CEP162: variants seen among roughly 807,000 people sequenced by gnomAD.
CEP162 encodes centrosomal protein 162.
Under a neutral mutation model 169.2 loss-of-function variants are expected in CEP162, and 141 were observed. The ratio of observed to expected loss-of-function variants is 0.83; its 90% CI spans 0.73 to 0.96. CEP162 has a LOEUF of 0.96. Ranked by LOEUF, CEP162 falls within the 40% of genes least tolerant of loss-of-function variation. The pLI, the probability that CEP162 is intolerant of heterozygous loss-of-function variation, is 0.00. For missense variants in CEP162, 1,600 were observed against 1,587.2 expected, an observed-to-expected ratio of 1.01 and a Z score of -0.14; for synonymous variants, 540 against 526.4, an observed-to-expected ratio of 1.03 and a Z score of -0.35.
chr6:84,145,519 T>G (rs915831849), intron 25 of CEP162, among the ~76,000 whole-genome samples: 1 of 152,158 alleles, frequency 6.6e-6, no homozygotes, highest in Non-Finnish European at 1.5e-5. Context: ...TGTGCTTCAT[T>G]AGAAAACTGT....
intron 2 of CEP162, among the ~76,000 whole-genome samples, chr6:84,225,734 A>C (rs571584407): frequency 6.8e-6 from 1 of 146,980 alleles, no homozygotes; most frequent in East Asian, 1.9e-4. Context: ...TATAAAAAGA[A>C]TTAAATACAT....
chr6:84,196,440 G>A (rs1446062291), intron 9 of CEP162, among the ~76,000 whole-genome samples: 1 of 152,108 alleles, frequency 6.6e-6, no homozygotes, highest in South Asian at 2.1e-4. Context: ...GCATGAAAAT[G>A]GACTAATATA....
At position 84,201,746 on chromosome 6, in the gene CEP162, G is replaced by T; in HGVS notation, c.709C>A (p.Leu237Ile). ...PKQEEEKTGMLANVVLLDSLD... is the reference protein window; with the variant it reads ...PKQEEEKTGMIANVVLLDSLD... ...TATAAATAATATTTACCATTAGCAA[G>T]CATGCCAGTTTTTTCTTCTTCCTAA... Residue 237 changes from leucine (L) to isoleucine (I), a missense_variant, in exon 8 of 27, where the codon CTT becomes ATT. By Grantham distance (5) the Leu-to-Ile change is conservative (BLOSUM62 2). Coordinates refer to ENST00000403245, the MANE Select transcript of CEP162 (RefSeq NM_014895.4). 7.4e-7 allele frequency: 1 copy of T among 1,342,390 alleles called. No homozygotes were observed. The highest frequency in any genetic ancestry group is 1.0e-6 in the Non-Finnish European group (1 of 970,634). 83.2% of individuals were successfully genotyped at this position (1,342,390 alleles called of 1,614,324 possible).
intron 25 of CEP162, among the ~76,000 whole-genome samples, chr6:84,145,508 C>T (rs1437169519): frequency 6.6e-6 from 1 of 152,084 alleles, no homozygotes; most frequent in Non-Finnish European, 1.5e-5. Context: ...GAGAAAAATA[C>T]TGTGCTTCAT....
chr6:84,215,672 T>C, intron 4 of CEP162, 104 bp downstream of exon 4: 12 of 1,411,332 alleles, frequency 8.5e-6, no homozygotes, highest in Non-Finnish European at 1.1e-5. Flanking sequence ...ATATTAAATC[T>C]GTCTACATGC....
At chr6:84,207,483 C>T (rs141387847) in intron 6 of CEP162, among the ~76,000 whole-genome samples, 2,883 of 146,632 alleles carry the variant, frequency 0.02, 52 homozygotes, top group Middle Eastern at 0.046. Flanking sequence ...AACGAAACAC[C>T]GCATGTTCTC....
At chr6:84,166,148 G>A (rs932726290) in intron 18 of CEP162, among the ~76,000 whole-genome samples, 3 of 152,160 alleles carry the variant, frequency 2.0e-5, no homozygotes, top group African/African-American at 7.2e-5. Context: ...TGTTAAACCT[G>A]TTGGCCAGAG....
intron 18 of CEP162, among the ~76,000 whole-genome samples, chr6:84,168,295 A>G (rs113726085): frequency 6.6e-6 from 1 of 152,102 alleles, no homozygotes; most frequent in Non-Finnish European, 1.5e-5. Flanking sequence ...TTACCTTTCT[A>G]CCTATCTGCC....
chr6:84,194,186 C>A (rs1289332446), intron 10 of CEP162, among the ~76,000 whole-genome samples: 4 of 151,954 alleles, frequency 2.6e-5, no homozygotes, highest in African/African-American at 9.7e-5. Flanking sequence ...AAAACCCCAT[C>A]TCTACTAAAA....
At chr6:84,125,775 A>G (rs951805641) in intron 26 of CEP162, among the ~76,000 whole-genome samples, 2 of 152,112 alleles carry the variant, frequency 1.3e-5, no homozygotes, top group Non-Finnish European at 2.9e-5. Flanking sequence ...CAAAACCTCA[A>G]TCTGGGACTT....
chr6:84,189,558 C>T (rs974975604), intron 11 of CEP162, among the ~76,000 whole-genome samples: 1 of 152,202 alleles, frequency 6.6e-6, no homozygotes, highest in Non-Finnish European at 1.5e-5. Context: ...CAGTGCTGGC[C>T]CACCGGCGCT....
intron 13 of CEP162, among the ~76,000 whole-genome samples, chr6:84,181,802 C>T (rs886251438): frequency 3.3e-5 from 5 of 151,738 alleles, no homozygotes; most frequent in Admixed American, 1.3e-4. Flanking sequence ...TTAAATGTAT[C>T]TTAAAAAATA....
chr6:84,132,717 T>C (rs1292877438), intron 25 of CEP162, among the ~76,000 whole-genome samples: 2 of 152,166 alleles, frequency 1.3e-5, no homozygotes, highest in African/African-American at 4.8e-5. Flanking sequence ...GTCTTCTCTA[T>C]GCTGTTTATT....
chr6:84,175,265 A>G lies in CEP162; in HGVS notation c.1746T>C (p.Arg582=). Residue 582 remains arginine, a synonymous_variant, in exon 14 of 27, where the codon CGT becomes CGC. Transcript: ENST00000403245. ...TTTCTGTGGGATTTTCAGACTTCTT[A>G]CGAGTAGACAGGCAACTTTCAGTTT... The part of the protein sequence containing the change: ...AHKTESCLST[R]KKSENPTETD... 1 of 1,546,738 alleles carries G rather than the reference A, an allele frequency of 6.5e-7. No individual in the cohort carries two copies. The highest frequency in any genetic ancestry group is 8.7e-7 in the Non-Finnish European group (1 of 1,144,068).
chr6:84,155,596 C>A, intron 21 of CEP162, 86 bp from the exon 22 acceptor site: 1 of 884,720 alleles, frequency 1.1e-6, no homozygotes, highest in Admixed American at 2.5e-5. Flanking sequence ...ACAGAAATCT[C>A]TGTATACAGT....
chr6:84,197,751 A>G (rs1318619732), intron 9 of CEP162, among the ~76,000 whole-genome samples: 2 of 150,996 alleles, frequency 1.3e-5, no homozygotes, highest in Non-Finnish European at 2.9e-5. Flanking sequence ...CAGGAGGTGG[A>G]GACTGCAGTG....
chr6:84,164,607 A>G (rs1034468814), intron 18 of CEP162, among the ~76,000 whole-genome samples: 1 of 152,180 alleles, frequency 6.6e-6, no homozygotes, highest in African/African-American at 2.4e-5. Flanking sequence ...CAGAAAACCG[A>G]ACACTGCATG....
intron 6 of CEP162, among the ~76,000 whole-genome samples, chr6:84,207,299 CAA>C (rs2099547567): frequency 6.6e-6 from 1 of 152,208 alleles, no homozygotes; most frequent in Admixed American, 6.5e-5. Flanking sequence ...TTCACAATAG[CAA>C]AGACTTGGAG....
chr6:84,209,289 G>C (rs918958755), intron 6 of CEP162, among the ~76,000 whole-genome samples: 2 of 152,062 alleles, frequency 1.3e-5, no homozygotes, highest in Admixed American at 6.5e-5. Flanking sequence ...TGTTCAGAAC[G>C]GTGGTTGATA....
Sources: allele counts gnomAD v4.1 joint callset (sites outside exome capture counted in the v4.1 genomes callset), GRCh38; gene constraint gnomAD v4.1.1; transcripts MANE v1.5; gene names NCBI Gene and HGNC (gene_info 2026-07-23, HGNC 2026-07-21).